Variants in DGKH observed in about 807,000 individuals in gnomAD.
DGKH encodes the protein diacylglycerol kinase eta.
In DGKH, 90 loss-of-function variants were observed where a neutral mutation model predicts 159.3. The observed-to-expected ratio is 0.57, with a 90% CI of 0.48 to 0.67. DGKH has a LOEUF of 0.67. DGKH is among the 30% of genes least tolerant of loss of function. The pLI is 0.00. For missense variants in DGKH, 1,181 were observed against 1,506.1 expected, an observed-to-expected ratio of 0.78 and a Z score of 3.57; for synonymous variants, 536 against 553.8, an observed-to-expected ratio of 0.97 and a Z score of 0.45.
At chr13:42,117,733 T>G (rs1954990165) in intron 1 of DGKH, among the ~76,000 whole-genome samples, 1 of 152,238 alleles carries the variant, frequency 6.6e-6, no homozygotes, top group South Asian at 2.1e-4. Flanking sequence ...AATGTAATAA[T>G]TCTATAGAAA....
At chr13:42,134,225 G>T (rs1594072064) in intron 3 of DGKH, among the ~76,000 whole-genome samples, 1 of 152,164 alleles carries the variant, frequency 6.6e-6, no homozygotes, top group East Asian at 1.9e-4. Flanking sequence ...TCATTTCCAC[G>T]ACATTCAGTT....
intron 3 of DGKH, among the ~76,000 whole-genome samples, chr13:42,151,060 A>G (rs988026452): frequency 2.0e-5 from 3 of 152,152 alleles, no homozygotes; most frequent in East Asian, 3.8e-4. Flanking sequence ...GGGCAAAGAC[A>G]TGGATTCTCC....
intron 1 of DGKH, among the ~76,000 whole-genome samples, chr13:42,112,973 C>T (rs908722766): frequency 6.6e-6 from 1 of 152,172 alleles, no homozygotes; most frequent in Non-Finnish European, 1.5e-5. Context: ...GGTCATATTC[C>T]AGTCTTCATC....
chr13:42,219,475 C>A, intron 27 of DGKH, 126 bp downstream of exon 27: 1 of 1,414,332 alleles, frequency 7.1e-7, no homozygotes, highest in Non-Finnish European at 9.6e-7. Context: ...ATGTTCTGTT[C>A]TTGAACAAAT....
At chr13:42,109,688 G>C (rs1954825335) in intron 1 of DGKH, among the ~76,000 whole-genome samples, 3 of 152,102 alleles carry the variant, frequency 2.0e-5, no homozygotes, top group Admixed American at 2.0e-4. Flanking sequence ...GTGTGTGTGT[G>C]TGTCTGTTGC....
rs561588016 is a variant in DGKH at position 42,229,595 on chromosome 13, A to T, written c.*407A>T. The stretch of plus-strand genomic sequence containing the variant: ...TTCCTAGGTTTCATTACGGGGGGGC[A>T]TTGGCCATTTTCTTAAAATCATAGG... On this transcript the variant is annotated 3_prime_UTR_variant, in exon 30 of 30. Coordinates refer to ENST00000337343, the MANE Select transcript of DGKH (RefSeq NM_178009.5). 1 of 157,036 alleles carries T rather than the reference A, an allele frequency of 6.4e-6. No individual in the cohort carries two copies. Among genetic ancestry groups the T allele is most frequent in the Non-Finnish European group, 1.4e-5 (1 of 71,586 alleles). 9.7% of individuals were successfully genotyped at this position (157,036 alleles called of 1,614,324 possible).
chr13:42,067,825 G>A (rs1900420), intron 1 of DGKH, among the ~76,000 whole-genome samples: 2,203 of 152,038 alleles, frequency 0.014, 18 homozygotes, highest in Non-Finnish European at 0.02. Context: ...AGACTGTGAC[G>A]CCACATGCTA....
intron 14 of DGKH, 57 bp downstream of exon 14, chr13:42,187,205 C>G: frequency 7.0e-7 from 1 of 1,425,534 alleles, no homozygotes; most frequent in Non-Finnish European, 9.8e-7. Flanking sequence ...TCACATTCAA[C>G]TGTGTTTCAA....
At chr13:42,146,023 C>A (rs749044634) in intron 3 of DGKH, among the ~76,000 whole-genome samples, 1 of 152,012 alleles carries the variant, frequency 6.6e-6, no homozygotes, top group Non-Finnish European at 1.5e-5. Flanking sequence ...TAATTTTTCC[C>A]AATTACTCAA....
intron 1 of DGKH, among the ~76,000 whole-genome samples, chr13:42,059,499 G>A (rs1018578539): frequency 4.6e-5 from 7 of 152,038 alleles, no homozygotes; most frequent in African/African-American, 1.4e-4. Context: ...GTCTGCCCAC[G>A]TTGGCCTCCC....
intron 1 of DGKH, among the ~76,000 whole-genome samples, chr13:42,123,587 C>A (rs1955115634): frequency 6.6e-6 from 1 of 151,596 alleles, no homozygotes; most frequent in Non-Finnish European, 1.5e-5. Context: ...TTGCAAATCA[C>A]ATATTAGATA....
intron 20 of DGKH, among the ~76,000 whole-genome samples, chr13:42,201,564 A>T (rs886391711): frequency 6.6e-6 from 1 of 152,186 alleles, no homozygotes; most frequent in African/African-American, 2.4e-5. Context: ...AATTTTGAAC[A>T]AGATATCTTA....
intron 1 of DGKH, among the ~76,000 whole-genome samples, chr13:42,095,890 G>A (rs922978648): frequency 2.6e-5 from 4 of 152,086 alleles, no homozygotes; most frequent in African/African-American, 4.8e-5. Context: ...GAACCAATCT[G>A]TCTAAATTTA....
intron 1 of DGKH, chr13:42,070,877 C>A: frequency 7.7e-7 from 1 of 1,298,148 alleles, no homozygotes; most frequent in South Asian, 1.2e-5. Flanking sequence ...TTATCATGGT[C>A]AAGTCTTCTA....
intron 29 of DGKH, among the ~76,000 whole-genome samples, chr13:42,228,129 T>C (rs1958180874): frequency 6.6e-6 from 1 of 152,180 alleles, no homozygotes; most frequent in African/African-American, 2.4e-5. Flanking sequence ...CTAGCAGTTA[T>C]TCACCCTTGG....
chr13:42,144,452 C>G (rs547532898), intron 3 of DGKH, among the ~76,000 whole-genome samples: 2 of 151,960 alleles, frequency 1.3e-5, no homozygotes, highest in East Asian at 1.9e-4. Context: ...GTTGGGAGGC[C>G]GAGGTGGGTG....
chr13:42,052,187 T>C (rs1056059396), intron 1 of DGKH, among the ~76,000 whole-genome samples: 2 of 152,356 alleles, frequency 1.3e-5, no homozygotes, highest in African/African-American at 4.8e-5. Context: ...GGAACTGGTA[T>C]GCTTTTGAAA....
chr13:42,121,125 A>G (rs945257374), intron 1 of DGKH, among the ~76,000 whole-genome samples: 2 of 150,244 alleles, frequency 1.3e-5, no homozygotes, highest in African/African-American at 4.9e-5. Flanking sequence ...CACACAAGAC[A>G]TTCCCTGACT....
At chr13:42,143,705 C>A (rs933647177) in intron 3 of DGKH, among the ~76,000 whole-genome samples, 4 of 152,106 alleles carry the variant, frequency 2.6e-5, no homozygotes, top group Non-Finnish European at 4.4e-5. Context: ...TTATAGTATT[C>A]TCTGATGGTA....
Sources: allele counts gnomAD v4.1 joint callset (sites outside exome capture counted in the v4.1 genomes callset), GRCh38; gene constraint gnomAD v4.1.1; transcripts MANE v1.5; gene names NCBI Gene and HGNC (gene_info 2026-07-23, HGNC 2026-07-21).